CLDND1: variants seen among roughly 807,000 people sequenced by gnomAD.
CLDND1 encodes the protein claudin domain-containing protein 1.
CLDND1 carries 13 observed loss-of-function variants against 26.3 expected under a neutral mutation model. The ratio of observed to expected loss-of-function variants is 0.49; its 90% CI spans 0.32 to 0.78. The LOEUF is 0.78. CLDND1 is among the 30% of genes least tolerant of loss of function. The pLI, the probability that CLDND1 is intolerant of heterozygous loss-of-function variation, is 0.03. For missense variants in CLDND1, 289 were observed against 312.8 expected (o/e 0.92, Z 0.57); for synonymous variants, 107 against 107.0 (o/e 1.00, Z 0.00).
At position 98,521,453 on chromosome 3, in the gene CLDND1, G is replaced by T. The variant is rs1376814941; in HGVS notation, c.-18-11C>A. 3.1e-6 allele frequency: 5 copies of T among 1,603,642 alleles called. No individual in the cohort carries two copies. The highest frequency in any genetic ancestry group is 1.1e-5 in the South Asian group (1 of 89,988). ...GGCATTCAGACTGCTCTGTTTAGAA[G>T]TTGAAGAAAGAAGATAAGTTAGAGT... On this transcript the variant is annotated splice_polypyrimidine_tract_variant and intron_variant, in intron 1 of 4. Transcript: ENST00000341181.
At chr3:98,517,775 T>A (rs1177222123) in intron 3 of CLDND1, among the ~76,000 whole-genome samples, 1 of 152,168 alleles carries the variant, frequency 6.6e-6, no homozygotes, top group Admixed American at 6.5e-5. Context: ...TGTATTATTA[T>A]TAATTCCATT....
chr3:98,518,795 A>G (rs1386196864), intron 3 of CLDND1, 90 bp downstream of exon 3: 1 of 765,380 alleles, frequency 1.3e-6, no homozygotes, highest in Non-Finnish European at 2.3e-6. Flanking sequence ...CAATCTACTA[A>G]CTCATCTTAT....
intron 1 of CLDND1, chr3:98,522,629 G>A: frequency 2.2e-6 from 3 of 1,391,876 alleles, no homozygotes; most frequent in Non-Finnish European, 1.9e-6. Flanking sequence ...CGGGGCCGGA[G>A]AAGGCCAGGG....
In CLDND1 at chr3:98,516,750, G is replaced by A; in HGVS notation, c.671C>T (p.Pro224Leu). The A allele has an allele frequency of 6.2e-7, 1 of 1,614,116 alleles. No individual in the cohort carries two copies. The highest frequency in any genetic ancestry group is 8.5e-7 in the Non-Finnish European group (1 of 1,180,016). Reference protein sequence around the residue: ...WSFCLACVSAPLQFMASALFI... With the variant: ...WSFCLACVSALLQFMASALFI... ...GAGAGCAGAAGCCATGAACTGTAAGGGAGCAGAGACACAAGCCAGGCAGAA... is the reference window on the plus strand; with the variant it reads ...GAGAGCAGAAGCCATGAACTGTAAGAGAGCAGAGACACAAGCCAGGCAGAA... Residue 224 changes from proline (P) to leucine (L), a missense_variant, in exon 5 of 5, where the codon CCC (proline) becomes CTC (leucine). By Grantham distance (98) the Pro-to-Leu change is moderately conservative (BLOSUM62 -3). Transcript: ENST00000341181.
chr3:98,518,772 T>C (rs188803246), intron 3 of CLDND1, 113 bp downstream of exon 3: 2 of 672,204 alleles, frequency 3.0e-6, no homozygotes, highest in African/African-American at 1.8e-5. Flanking sequence ...AGAGATTTTA[T>C]TTCACGTTGG....
At chr3:98,517,578 ATATAG>A (rs915126511) in intron 3 of CLDND1, among the ~76,000 whole-genome samples, 3 of 152,256 alleles carry the variant, frequency 2.0e-5, no homozygotes, top group African/African-American at 7.2e-5. Flanking sequence ...ATTTACAAAT[ATATAG>A]TATAACAACT....
chr3:98,521,005 T>C (rs964072039), intron 2 of CLDND1, 128 bp downstream of exon 2: 1 of 767,414 alleles, frequency 1.3e-6, no homozygotes, highest in Non-Finnish European at 2.2e-6. Flanking sequence ...AAAGAGAAGA[T>C]ACACGATTTA....
intron 3 of CLDND1, among the ~76,000 whole-genome samples, chr3:98,517,980 G>A (rs1706223124): frequency 6.6e-6 from 1 of 152,152 alleles, no homozygotes; most frequent in Non-Finnish European, 1.5e-5. Context: ...TAGGGCTGTT[G>A]AAGAATATAT....
rs2107140238 is a variant in CLDND1 at position 98,516,569 on chromosome 3, T to A, written c.*90A>T. 1.4e-6 allele frequency: 2 copies of A among 1,460,190 alleles called. No individual in the cohort carries two copies. The highest frequency in any genetic ancestry group is 5.0e-5 in the East Asian group (2 of 40,222). 90.5% of individuals were successfully genotyped at this position (1,460,190 alleles called of 1,614,324 possible). On this transcript the variant is annotated 3_prime_UTR_variant, in exon 5 of 5. Coordinates refer to ENST00000341181, the MANE Select transcript of CLDND1 (RefSeq NM_001040181.2). Reference sequence around the variant, plus strand: ...CATAATAAAATGGTATATCCACAAATAAAAATTAAAAACAATTGAGAGGTG... The same window carrying A: ...CATAATAAAATGGTATATCCACAAAAAAAAATTAAAAACAATTGAGAGGTG...
chr3:98,521,482 C>T lies in CLDND1; in HGVS notation c.-18-40G>A, dbSNP rs777206741. 6 of 1,572,854 alleles carry T rather than the reference C, an allele frequency of 3.8e-6. No homozygotes were observed. The South Asian group carries it at 4.6e-5, about 12-fold the overall frequency. On this transcript the variant is annotated intron_variant, in intron 1 of 4. Coordinates refer to ENST00000341181, the MANE Select transcript of CLDND1 (RefSeq NM_001040181.2). ...AAGAAAGAAGATAAGTTAGAGTTTA[C>T]GGACAAATAAGAAAGATTATTTTGA...
chr3:98,522,022 G>C (rs2107159910), intron 1 of CLDND1: 1 of 297,786 alleles, frequency 3.4e-6, no homozygotes, highest in East Asian at 6.6e-5. Context: ...AAATAGCAAA[G>C]AGAACAATAA....
intron 2 of CLDND1, among the ~76,000 whole-genome samples, chr3:98,519,886 T>G (rs2107151511): frequency 6.6e-6 from 1 of 152,364 alleles, no homozygotes; most frequent in South Asian, 2.1e-4. Context: ...AACTACATTC[T>G]TTACTCAAGT....
At chr3:98,522,560 T>G (rs1341267629) in intron 1 of CLDND1, 10 of 1,359,978 alleles carry the variant, frequency 7.4e-6, no homozygotes, top group Non-Finnish European at 9.4e-6. Flanking sequence ...GTCCCAGCAC[T>G]GGGAACGGCG....
intron 1 of CLDND1, 27 bp downstream of exon 1, chr3:98,522,822 C>A: frequency 6.2e-7 from 1 of 1,613,748 alleles, no homozygotes; most frequent in Non-Finnish European, 8.5e-7. Flanking sequence ...CGACCCCTGC[C>A]CGGCGACGCA....
At position 98,516,746 on chromosome 3, in the gene CLDND1, T is replaced by C. The variant is rs146171883; in HGVS notation, c.675A>G (p.Leu225=). 290 of 1,614,032 alleles carry C rather than the reference T, an allele frequency of 1.8e-4. No homozygotes were observed. The highest frequency in any genetic ancestry group is 1.6e-3 in the Middle Eastern group (10 of 6,062). Residue 225 remains leucine (L), a synonymous_variant, in exon 5 of 5, where the codon TTA becomes TTG. Coordinates refer to ENST00000341181, the MANE Select transcript of CLDND1 (RefSeq NM_001040181.2). ...TGAAGAGAGCAGAAGCCATGAACTGTAAGGGAGCAGAGACACAAGCCAGGC... is the reference window on the plus strand; with the variant it reads ...TGAAGAGAGCAGAAGCCATGAACTGCAAGGGAGCAGAGACACAAGCCAGGC... ...SFCLACVSAP[L]QFMASALFIW... is the part of the protein sequence containing the mutation.
chr3:98,521,688 G>A (rs1706419398), intron 1 of CLDND1: 1 of 1,612,966 alleles, frequency 6.2e-7, no homozygotes. Context: ...TTGTTCTCTA[G>A]TCTATCACCT....
rs376753227 is a variant in CLDND1 at position 98,521,050 on chromosome 3, T to C, written c.292+83A>G. ...GGAGAGAGAGAACCAACAAACCTGC[T>C]TACATGTAATTGGGCAATCATTACG... On this transcript the variant is annotated intron_variant, in intron 2 of 4. Coordinates refer to ENST00000341181, the MANE Select transcript of CLDND1 (RefSeq NM_001040181.2). 11 of 1,201,836 alleles carry C rather than the reference T, an allele frequency of 9.2e-6. No individual in the cohort carries two copies. The African/African-American group carries it at 1.4e-4, about 15-fold the overall frequency. 74.4% of individuals were successfully genotyped at this position (1,201,836 alleles called of 1,614,324 possible).
At chr3:98,517,346 G>T (rs1706187564) in intron 3 of CLDND1, 157 bp from the exon 4 acceptor site, 1 of 806,634 alleles carries the variant, frequency 1.2e-6, no homozygotes, top group Non-Finnish European at 1.9e-6. Context: ...TATTCAAAAG[G>T]ATGCTACTCT....
At chr3:98,522,412 G>A (rs1388451197) in intron 1 of CLDND1, 4 of 429,534 alleles carry the variant, frequency 9.3e-6, no homozygotes, top group African/African-American at 6.4e-5. Flanking sequence ...TCGCAAACTG[G>A]GGTTGCTGAG....
Sources: gnomAD v4.1 joint callset for allele counts (sites outside exome capture counted in the v4.1 genomes callset) on GRCh38, gnomAD v4.1.1 for gene constraint, MANE v1.5 for transcripts, NCBI Gene and HGNC (gene_info 2026-07-23, HGNC 2026-07-21) for gene names.